The following SSB variants were observed in gnomAD, a reference collection of about 807,000 sequenced individuals.
SSB encodes lupus La protein.
SSB carries 17 observed loss-of-function variants against 52.9 expected under a neutral mutation model. That is an observed-to-expected ratio of 0.32 (90% CI 0.22 to 0.48). The LOEUF (loss-of-function observed/expected upper bound fraction) is 0.48, where lower values mean the gene tolerates loss of function less well. Among genes scored for constraint, SSB ranks in the 20% least tolerant of loss-of-function variants. The pLI, the probability that SSB is intolerant of heterozygous loss-of-function variation, is 0.99. For synonymous variants in SSB, 111 were observed against 152.1 expected (o/e 0.73, Z 1.99); for missense variants, 314 against 463.6 (o/e 0.68, Z 2.96).
At position 169,811,226 on chromosome 2, in the gene SSB, G is replaced by T. The variant is rs1558973605; in HGVS notation, c.1041G>T (p.Gln347His). 2.5e-6 allele frequency: 4 copies of T among 1,612,244 alleles called. No individual in the cohort carries two copies. Among genetic ancestry groups the T allele is most frequent in the Non-Finnish European group, 3.4e-6 (4 of 1,179,696 alleles). The change falls in exon 11 of 12, where the codon CAG (glutamine) becomes CAT (histidine). Residue 347 changes from glutamine (Q) to histidine (H), a missense_variant. Physicochemically the swap from Gln to His is conservative, Grantham distance 24 (BLOSUM62 0). Transcript: ENST00000260956. ...KGKGKGNKAA[Q>H]PGSGKGKVQF... ...AAGGAAAGGGTAATAAAGCTGCCCA[G>T]CCTGGGTCTGGTAAAGGAAAAGTAC...
chr2:169,801,419 A>G (rs1230310454), intron 2 of SSB, among the ~76,000 whole-genome samples: 1 of 152,046 alleles, frequency 6.6e-6, no homozygotes, highest in Non-Finnish European at 1.5e-5. Context: ...GTCCTTGGTA[A>G]AGTACCTTCC....
chr2:169,806,015 C>T (rs1167392178), intron 4 of SSB, 176 bp downstream of exon 4: 7 of 714,476 alleles, frequency 9.8e-6, no homozygotes, highest in African/African-American at 7.0e-5. Context: ...CTGTTGCTCA[C>T]GTTGGAGTGC....
chr2:169,809,769 C>T (rs1025114223), intron 8 of SSB, among the ~76,000 whole-genome samples: 3 of 151,622 alleles, frequency 2.0e-5, no homozygotes, highest in Admixed American at 6.6e-5. Context: ...CCTGCCACCA[C>T]GTCCGGCTAA....
chr2:169,808,948 AAATG>A, intron 8 of SSB, 46 bp downstream of exon 8: 1 of 1,465,834 alleles, frequency 6.8e-7, no homozygotes, highest in Non-Finnish European at 9.6e-7. Flanking sequence ...ATTCGAAGTT[AAATG>A]AATAGCTTTT....
chr2:169,811,372 TCCATAAATAAATGATTTG>T (rs1689952302), intron 11 of SSB, 49 bp downstream of exon 11: 1 of 1,491,242 alleles, frequency 6.7e-7, no homozygotes, highest in African/African-American at 1.4e-5. Flanking sequence ...AATTTCTACT[TCCATAAATAAATGATTTG>T]CCAGAGAGAA....
At chr2:169,800,895 T>A in intron 1 of SSB, 57 bp from the exon 2 acceptor site, 1 of 1,305,438 alleles carries the variant, frequency 7.7e-7, no homozygotes, top group Non-Finnish European at 1.1e-6. Flanking sequence ...ACATTATCTT[T>A]CTATTCTTGA....
Position 169,806,925 on chromosome 2 carries a change from A to G in SSB, c.453+33A>G, listed in dbSNP as rs377554846. 533 of 1,608,734 alleles carry G rather than the reference A, an allele frequency of 3.3e-4. 2 individuals are homozygous for G. The highest frequency in any genetic ancestry group is 4.4e-4 in the Non-Finnish European group (520 of 1,177,456). On this transcript the variant is annotated intron_variant, in intron 5 of 11. Coordinates refer to ENST00000260956, the MANE Select transcript of SSB (RefSeq NM_003142.5). ...AATACAGACTTTTTCTAGTTTTAAA[A>G]TATATGGGACATAACTTAAAAAAAT...
chr2:169,801,678 A>G (rs1689716025), intron 2 of SSB, among the ~76,000 whole-genome samples: 1 of 151,482 alleles, frequency 6.6e-6, no homozygotes, highest in African/African-American at 2.4e-5. Flanking sequence ...GGACTACAGG[A>G]GCACGCCACC....
At chr2:169,806,335 A>T (rs76274982) in intron 4 of SSB, among the ~76,000 whole-genome samples, 10,126 of 152,222 alleles carry the variant, frequency 0.067, 340 homozygotes, top group Non-Finnish European at 0.078. Flanking sequence ...AATGAAAAAA[A>T]ATATATATAC....
In SSB at chr2:169,811,968, C is replaced by G; in HGVS notation, c.*212C>G. On this transcript the variant is annotated 3_prime_UTR_variant, in exon 12 of 12. Coordinates refer to ENST00000260956, the MANE Select transcript of SSB (RefSeq NM_003142.5). ...GTGTTATTTCAGATGATTCAAATAT[C>G]AAAAGGAAGATTCTTCCATTAAATT... is the stretch of plus-strand genomic sequence containing the variant. 1 of 1,252,980 alleles carries G rather than the reference C, an allele frequency of 8.0e-7. No individual in the cohort carries two copies. The highest frequency in any genetic ancestry group is 1.1e-6 in the Non-Finnish European group (1 of 892,286). 77.6% of individuals were successfully genotyped at this position (1,252,980 alleles called of 1,614,324 possible).
intron 8 of SSB, among the ~76,000 whole-genome samples, chr2:169,809,337 T>C (rs1189318829): frequency 6.6e-6 from 1 of 152,172 alleles, no homozygotes; most frequent in East Asian, 1.9e-4. Flanking sequence ...ACCAAGATCA[T>C]GCCACTGCAG....
At chr2:169,801,223 C>T (rs758536383) in intron 2 of SSB, among the ~76,000 whole-genome samples, 197 bp downstream of exon 2, 4 of 151,634 alleles carry the variant, frequency 2.6e-5, no homozygotes, top group Admixed American at 1.3e-4. Context: ...CAAAAGGTAA[C>T]ACTATAAACT....
intron 2 of SSB, among the ~76,000 whole-genome samples, chr2:169,802,931 A>AT (rs1159835831): frequency 2.0e-5 from 3 of 152,108 alleles, no homozygotes; most frequent in Non-Finnish European, 2.9e-5. Flanking sequence ...GATGTTTCTA[A>AT]TTTTTTTAGC....
chr2:169,810,258 T>G, intron 8 of SSB, 25 bp from the exon 9 acceptor site: 1 of 1,571,464 alleles, frequency 6.4e-7, no homozygotes, highest in East Asian at 2.3e-5. Flanking sequence ...AAGAAACTTT[T>G]TGATCACTTT....
chr2:169,808,596 A>G, intron 7 of SSB, 43 bp downstream of exon 7: 1 of 1,535,294 alleles, frequency 6.5e-7, no homozygotes, highest in Non-Finnish European at 9.0e-7. Flanking sequence ...GAATTCCTTA[A>G]AGCTCTGACA....
At chr2:169,811,075 T>C (rs1394680066) in intron 10 of SSB, 31 bp downstream of exon 10, 1 of 1,601,626 alleles carries the variant, frequency 6.2e-7, no homozygotes, top group Non-Finnish European at 8.5e-7. Context: ...TTTAACAGTT[T>C]GGTTGTTGAA....
intron 11 of SSB, 35 bp from the exon 12 acceptor site, chr2:169,811,633 G>A (rs376175982): frequency 1.6e-5 from 25 of 1,597,628 alleles, no homozygotes; most frequent in African/African-American, 2.7e-5. Context: ...CAGTACTTAC[G>A]TTGAATTTAA....
intron 2 of SSB, among the ~76,000 whole-genome samples, chr2:169,802,358 A>C (rs1689730437): frequency 6.6e-6 from 1 of 152,052 alleles, no homozygotes; most frequent in Non-Finnish European, 1.5e-5. Flanking sequence ...GGTTCTTGCT[A>C]AGAACCCCTC....
In SSB at chr2:169,806,569, A is replaced by G. The variant is rs1051615602; in HGVS notation, c.346-216A>G. 9.7e-6 allele frequency: 4 copies of G among 413,350 alleles called. No individual in the cohort carries two copies. In the Admixed American group the frequency reaches 1.6e-4, roughly 17 times the overall value. 25.6% of individuals were successfully genotyped at this position (413,350 alleles called of 1,614,324 possible). A position where few individuals can be genotyped will look rare whatever the true frequency, so the allele number is the denominator to read the frequency against. On this transcript the variant is annotated intron_variant, in intron 4 of 11. Coordinates refer to ENST00000260956, the MANE Select transcript of SSB (RefSeq NM_003142.5). Reference sequence around the variant, plus strand: ...ATCATCTTGTTTTATTTCTGCTTCAACTGAATTATTTTGAAGCAAATACCA... The same window carrying G: ...ATCATCTTGTTTTATTTCTGCTTCAGCTGAATTATTTTGAAGCAAATACCA...
Sources: gnomAD v4.1 joint callset for allele counts (sites outside exome capture counted in the v4.1 genomes callset) on GRCh38, gnomAD v4.1.1 for gene constraint, MANE v1.5 for transcripts, NCBI Gene and HGNC (gene_info 2026-07-23, HGNC 2026-07-21) for gene names.